Variants in YWHAB observed in about 807,000 individuals in gnomAD.
YWHAB encodes 14-3-3 protein beta/alpha.
A neutral mutation model predicts 28.5 loss-of-function variants in YWHAB; 2 were observed. The observed-to-expected ratio is 0.07, with a 90% CI of 0.03 to 0.22. The LOEUF (loss-of-function observed/expected upper bound fraction) is 0.22, where lower values mean the gene tolerates loss of function less well. Among genes scored for constraint, YWHAB ranks in the 10% least tolerant of loss-of-function variants. YWHAB has a pLI of 1.00. For missense variants in YWHAB, 148 were observed against 297.1 expected (o/e 0.50, Z 3.69); for synonymous variants, 103 against 104.7 (o/e 0.98, Z 0.10).
At chr20:44,894,378 CT>C (rs199735550) in intron 1 of YWHAB, among the ~76,000 whole-genome samples, 2 of 151,188 alleles carry the variant, frequency 1.3e-5, no homozygotes. Flanking sequence ...ATCTTGCTGA[CT>C]TTTTTTTTAG....
chr20:44,903,937 CAT>C (rs375388050), intron 2 of YWHAB, 54 bp from the exon 3 acceptor site: 2 of 1,560,026 alleles, frequency 1.3e-6, no homozygotes, highest in Non-Finnish European at 8.6e-7. Flanking sequence ...GAATCTCAAA[CAT>C]AGTTTTAACA....
intron 1 of YWHAB, among the ~76,000 whole-genome samples, chr20:44,892,898 T>C (rs185240862): frequency 7.2e-5 from 11 of 152,348 alleles, no homozygotes. Flanking sequence ...TCCTGACATA[T>C]AATAATGGAG....
At chr20:44,904,236 TAA>T in intron 3 of YWHAB, 120 bp downstream of exon 3, 2 of 1,301,506 alleles carry the variant, frequency 1.5e-6, no homozygotes, top group Non-Finnish European at 2.1e-6. Flanking sequence ...ACTAAGAATT[TAA>T]AAGACCACAG....
chr20:44,898,564 A>G (rs973733275), intron 1 of YWHAB, among the ~76,000 whole-genome samples: 14 of 150,994 alleles, frequency 9.3e-5, no homozygotes, highest in African/African-American at 3.4e-4. Context: ...GCCAGAGTGC[A>G]GTGGCGCGAT....
rs562017618 is a variant in YWHAB, at chr20:44,904,224, G to A, written c.424+108G>A. On this transcript the variant is annotated intron_variant, in intron 3 of 5. Coordinates refer to ENST00000353703, the MANE Select transcript of YWHAB (RefSeq NM_139323.4). ...GTTCGCCATAGACACCAATGTCACA[G>A]TACTAAGAATTTAAAAGACCACAGC... The A allele has an allele frequency of 3.7e-5, 51 of 1,391,446 alleles. No individual in the cohort carries two copies. In the Admixed American group the frequency reaches 4.0e-4, roughly 11 times the overall value. 86.2% of individuals were successfully genotyped at this position (1,391,446 alleles called of 1,614,324 possible). A position where few individuals can be genotyped will look rare whatever the true frequency, so the allele number is the denominator to read the frequency against.
Position 44,906,519 on chromosome 20 carries a change from A to T in YWHAB, c.*81A>T. On this transcript the variant is annotated 3_prime_UTR_variant, in exon 6 of 6. Transcript: ENST00000353703. ...CCTTGTGCGATAAAAAAAAAAAAAA[A>T]AAAAAAAAGAGAATCGTACGTCGAC... 2 of 1,112,112 alleles carry T rather than the reference A, an allele frequency of 1.8e-6. No individual in the cohort carries two copies. The highest frequency in any genetic ancestry group is 2.5e-6 in the Non-Finnish European group (2 of 807,318). The allele number at this position is 1,112,112 out of a possible 1,614,324, so 68.9% of individuals were successfully genotyped here.
intron 1 of YWHAB, among the ~76,000 whole-genome samples, chr20:44,891,128 T>G (rs2066559104): frequency 6.6e-6 from 1 of 152,126 alleles, no homozygotes; most frequent in Non-Finnish European, 1.5e-5. Context: ...GCCTATGTTT[T>G]TTTTTTTCTT....
chr20:44,908,053 A>G lies in YWHAB; in HGVS notation c.*1615A>G, dbSNP rs2066668866. The G allele has an allele frequency of 6.6e-6, 1 of 152,582 alleles. No individual in the cohort carries two copies. The highest frequency in any genetic ancestry group is 1.5e-5 in the Non-Finnish European group (1 of 68,012). 9.5% of individuals were successfully genotyped at this position (152,582 alleles called of 1,614,324 possible). On this transcript the variant is annotated 3_prime_UTR_variant, in exon 6 of 6. Coordinates refer to ENST00000353703, the MANE Select transcript of YWHAB (RefSeq NM_139323.4). ...TAGTCAGGCCTATCAGTCTCACAGA[A>G]TCACCCCTCTACCTTTGATATTCCA...
At chr20:44,904,563 T>C (rs1236466000) in intron 3 of YWHAB, among the ~76,000 whole-genome samples, 1 of 152,114 alleles carries the variant, frequency 6.6e-6, no homozygotes, top group Non-Finnish European at 1.5e-5. Context: ...AGGCTGCCCA[T>C]TTTTCATATA....
intron 1 of YWHAB, among the ~76,000 whole-genome samples, chr20:44,898,790 G>A (rs28456281): frequency 8.0e-4 from 121 of 151,594 alleles, no homozygotes; most frequent in African/African-American, 2.8e-3. Flanking sequence ...ACAGGCATGA[G>A]CCACTGCGCC....
chr20:44,904,193 T>G, intron 3 of YWHAB, 77 bp downstream of exon 3: 2 of 1,580,424 alleles, frequency 1.3e-6, no homozygotes, highest in Non-Finnish European at 1.7e-6. Flanking sequence ...TAACGATTTT[T>G]GCTTTGTTCG....
intron 1 of YWHAB, among the ~76,000 whole-genome samples, chr20:44,898,340 T>C (rs2066607433): frequency 1.3e-5 from 2 of 152,306 alleles, no homozygotes; most frequent in South Asian, 4.1e-4. Context: ...AGTTATGAAC[T>C]GGAGAATCAA....
chr20:44,889,388 G>C (rs2066546940), intron 1 of YWHAB, among the ~76,000 whole-genome samples: 1 of 151,774 alleles, frequency 6.6e-6, no homozygotes, highest in Non-Finnish European at 1.5e-5. Flanking sequence ...GTGGTTATAT[G>C]TATCTGATAC....
At chr20:44,902,149 A>G (rs1568932740) in intron 2 of YWHAB, 1 of 246,996 alleles carries the variant, frequency 4.0e-6, no homozygotes, top group African/African-American at 2.2e-5. Flanking sequence ...ATACAGCTAC[A>G]GATAGGCTAT....
intron 1 of YWHAB, chr20:44,887,837 TATC>T (rs2066537290): frequency 6.6e-6 from 1 of 152,266 alleles, no homozygotes; most frequent in Non-Finnish European, 1.5e-5. Context: ...TTTCCAGGGT[TATC>T]ATTAAGCCTT....
chr20:44,904,326 G>C (rs145436918), intron 3 of YWHAB, among the ~76,000 whole-genome samples: 131 of 152,268 alleles, frequency 8.6e-4, no homozygotes, highest in African/African-American at 3.0e-3. Context: ...TACAAACCTG[G>C]TGCGCAGTGT....
In YWHAB at chr20:44,906,091, C is replaced by A; in HGVS notation, c.679C>A (p.Leu227Ile). ...GATCATGCAGTTACTTAGGGACAAT[C>A]TCACTGTAAGTACTACTTCCACAGG... ...TLIMQLLRDN[L>I]TLWTSENQGD... is the part of the protein sequence containing the mutation. The change falls in exon 5 of 6, where the codon CTC becomes ATC. Residue 227 changes from leucine to isoleucine, a missense_variant. Physicochemically the swap from Leu to Ile is conservative, Grantham distance 5. Around this residue, in one of 2 missense-constraint regions of YWHAB, gnomAD observed 38 missense variants for 119.2 expected, o/e 0.32. Coordinates refer to ENST00000353703, the MANE Select transcript of YWHAB (RefSeq NM_139323.4). The A allele has an allele frequency of 6.2e-7, 1 of 1,611,464 alleles. No homozygotes were observed. The highest frequency in any genetic ancestry group is 8.5e-7 in the Non-Finnish European group (1 of 1,177,744).
At position 44,907,266 on chromosome 20, in the gene YWHAB, C is replaced by G. The variant is rs575753172; in HGVS notation, c.*828C>G. ...TTTTATGAATGACCTTATCTGTTTC[C>G]TGGATAATACCTTTAAGAATAATGT... On this transcript the variant is annotated 3_prime_UTR_variant, in exon 6 of 6. Coordinates refer to ENST00000353703, the MANE Select transcript of YWHAB (RefSeq NM_139323.4). The G allele has an allele frequency of 6.6e-6, 1 of 152,464 alleles. No homozygotes were observed. Among genetic ancestry groups the G allele is most frequent in the East Asian group, 1.9e-4 (1 of 5,188 alleles). The allele number at this position is 152,464 out of a possible 1,614,324, so 9.4% of individuals were successfully genotyped here.
chr20:44,894,387 T>C (rs1304169583), intron 1 of YWHAB, among the ~76,000 whole-genome samples: 2 of 152,240 alleles, frequency 1.3e-5, no homozygotes, highest in East Asian at 3.8e-4. Context: ...ACTTTTTTTT[T>C]AGTGGGAACC....
Sources: allele counts gnomAD v4.1 joint callset (sites outside exome capture counted in the v4.1 genomes callset), GRCh38; gene constraint gnomAD v4.1.1; regional missense constraint gnomAD v4.1.1; transcripts MANE v1.5; gene names NCBI Gene and HGNC (gene_info 2026-07-23, HGNC 2026-07-21).